Variants in RAD51B observed in about 807,000 individuals in gnomAD.
The protein encoded by RAD51B is RAD51 paralog B.
RAD51B carries 38 observed loss-of-function variants against 42.2 expected under a neutral mutation model. That is an observed-to-expected ratio of 0.90 (90% CI 0.70 to 1.18). The LOEUF is 1.18. Among genes scored for constraint, RAD51B ranks in the 50% most tolerant of loss-of-function variants. The pLI is 0.00. For synonymous variants in RAD51B, 154 were observed against 145.2 expected (o/e 1.06, Z -0.43); for missense variants, 373 against 400.7 (o/e 0.93, Z 0.59).
At chr14:68,199,746 C>T (rs911764883) in intron 7 of RAD51B, among the ~76,000 whole-genome samples, 6 of 152,204 alleles carry the variant, frequency 3.9e-5, no homozygotes, top group African/African-American at 1.4e-4. Flanking sequence ...TCTCATCTTC[C>T]ACCCACTGCC....
intron 9 of RAD51B, among the ~76,000 whole-genome samples, chr14:68,438,604 G>A (rs1420765069): frequency 6.6e-5 from 10 of 152,090 alleles, no homozygotes; most frequent in African/African-American, 2.4e-4. Flanking sequence ...TCAACATTTT[G>A]TCTTCCCCTG....
intron 7 of RAD51B, among the ~76,000 whole-genome samples, chr14:68,268,519 G>A (rs1216423062): frequency 6.6e-6 from 1 of 152,170 alleles, no homozygotes; most frequent in Non-Finnish European, 1.5e-5. Flanking sequence ...ACGGATTCCT[G>A]GCAAAATGTC....
At chr14:67,900,575 G>T (rs1488594189) in intron 7 of RAD51B, among the ~76,000 whole-genome samples, 1 of 147,516 alleles carries the variant, frequency 6.8e-6, no homozygotes, top group African/African-American at 2.5e-5. Flanking sequence ...TTAGACTCAT[G>T]ACTCAAAGGA....
chr14:68,000,723 A>G (rs1002878060), intron 7 of RAD51B, among the ~76,000 whole-genome samples: 2 of 152,194 alleles, frequency 1.3e-5, no homozygotes. Context: ...AATAAGCCTC[A>G]TGGAGAAGGG....
Position 68,477,789 on chromosome 14 carries a change from G to C in RAD51B, c.*125G>C. On this transcript the variant is annotated 3_prime_UTR_variant, in exon 11 of 11. Transcript: ENST00000471583. Reference sequence around the variant, plus strand: ...GGATTAATTAGTTGATTGCTGTTGAGATGGTAACAGATTTGCTCCTAAACC... The same window carrying C: ...GGATTAATTAGTTGATTGCTGTTGACATGGTAACAGATTTGCTCCTAAACC... The C allele has an allele frequency of 6.5e-7, 1 of 1,527,002 alleles. No individual in the cohort carries two copies. The highest frequency in any genetic ancestry group is 8.8e-7 in the Non-Finnish European group (1 of 1,141,246). The allele number at this position is 1,527,002 out of a possible 1,614,324, so 94.6% of individuals were successfully genotyped here.
intron 7 of RAD51B, among the ~76,000 whole-genome samples, chr14:68,086,512 C>T (rs1192648837): frequency 3.3e-5 from 5 of 152,140 alleles, no homozygotes; most frequent in Admixed American, 2.0e-4. Context: ...GTAGAGCCCT[C>T]GCCAGGGACC....
chr14:68,669,627 T>TACACACACACAC (rs34821600), intron 11 of RAD51B, among the ~76,000 whole-genome samples: 99 of 148,024 alleles, frequency 6.7e-4, no homozygotes, highest in African/African-American at 2.4e-3. Context: ...ACCCGCCACT[T>TACACACACACAC]ACACACACAC....
At chr14:67,883,961 G>A (rs1244854312) in intron 5 of RAD51B, among the ~76,000 whole-genome samples, 1 of 152,140 alleles carries the variant, frequency 6.6e-6, no homozygotes, top group East Asian at 1.9e-4. Flanking sequence ...TGTAATTAAT[G>A]TCTGGGAGCA....
intron 8 of RAD51B, among the ~76,000 whole-genome samples, chr14:68,324,651 A>G (rs1220409444): frequency 6.6e-6 from 1 of 152,182 alleles, no homozygotes; most frequent in African/African-American, 2.4e-5. Flanking sequence ...TTAATGTTGA[A>G]TATAAAGTTT....
At chr14:68,497,229 G>A in intron 10 of RAD51B, 1 of 1,371,452 alleles carries the variant, frequency 7.3e-7, no homozygotes, top group South Asian at 1.2e-5. Context: ...GAGTCTTGTG[G>A]TGAAACACCC....
intron 8 of RAD51B, among the ~76,000 whole-genome samples, chr14:68,340,715 G>A (rs2082554932): frequency 6.6e-6 from 1 of 152,174 alleles, no homozygotes; most frequent in Admixed American, 6.5e-5. Context: ...TTTGTCAGTT[G>A]ATTTTCAGTA....
intron 7 of RAD51B, among the ~76,000 whole-genome samples, chr14:68,191,020 A>G (rs960691880): frequency 3.6e-5 from 4 of 110,278 alleles, no homozygotes; most frequent in Admixed American, 1.0e-4. Flanking sequence ...AGTTAATGCT[A>G]TATTACTACA....
chr14:68,681,742 A>AGTAG (rs1040423554), intron 11 of RAD51B, among the ~76,000 whole-genome samples: 3 of 152,222 alleles, frequency 2.0e-5, no homozygotes, highest in African/African-American at 7.2e-5. Flanking sequence ...CCTGTTCATC[A>AGTAG]GTAGGCTTTG....
intron 7 of RAD51B, among the ~76,000 whole-genome samples, chr14:68,026,728 G>A (rs2075962678): frequency 6.6e-6 from 1 of 151,886 alleles, no homozygotes; most frequent in Non-Finnish European, 1.5e-5. Flanking sequence ...CTTGGAGCCT[G>A]TGGATTTCAT....
chr14:68,056,155 A>T (rs1030594442), intron 7 of RAD51B, among the ~76,000 whole-genome samples: 2 of 151,962 alleles, frequency 1.3e-5, no homozygotes, highest in Non-Finnish European at 2.9e-5. Context: ...GCTAAAGAAA[A>T]GTTTTCTTTT....
At chr14:68,148,429 T>C (rs1442681611) in intron 7 of RAD51B, among the ~76,000 whole-genome samples, 1 of 152,250 alleles carries the variant, frequency 6.6e-6, no homozygotes, top group Non-Finnish European at 1.5e-5. Context: ...TTTTGCTTTC[T>C]CACCAGCAAT....
At position 68,501,876 on chromosome 14, in the gene RAD51B, G is replaced by C. The variant is rs150806291; in HGVS notation, c.1036+33626G>C. Among the ~76,000 whole-genome samples, 379 of 152,404 alleles carry C rather than the reference G, an allele frequency of 2.5e-3. 1 individual carries two copies. The highest frequency in any genetic ancestry group is 2.2e-3 in the Non-Finnish European group (153 of 68,042). Reference sequence around the variant, plus strand: ...ACTGCTGGATTCCTGCAAGGAACTAGAGCAGAAAGCAGCGACTTGCCTTAG... The same window carrying C: ...ACTGCTGGATTCCTGCAAGGAACTACAGCAGAAAGCAGCGACTTGCCTTAG... On this transcript the variant is annotated intron_variant, in intron 10 of 10. Coordinates refer to the RAD51B transcript ENST00000487270.
intron 10 of RAD51B, among the ~76,000 whole-genome samples, chr14:68,616,958 G>T (rs553799132): frequency 6.6e-6 from 1 of 151,872 alleles, no homozygotes; most frequent in Non-Finnish European, 1.5e-5. Flanking sequence ...CTCATTTTAT[G>T]TATGTTTTTC....
intron 7 of RAD51B, among the ~76,000 whole-genome samples, chr14:67,940,745 A>G (rs1442807938): frequency 2.0e-5 from 3 of 151,896 alleles, no homozygotes; most frequent in South Asian, 2.1e-4. Context: ...GAGTTTCCCA[A>G]TTTGTTGGGC....
Sources: gnomAD v4.1 joint callset for allele counts (sites outside exome capture counted in the v4.1 genomes callset) on GRCh38, gnomAD v4.1.1 for gene constraint, MANE v1.5 for transcripts, NCBI Gene and HGNC (gene_info 2026-07-23, HGNC 2026-07-21) for gene names.